Variants in CNTN4 observed in about 807,000 individuals in gnomAD.
The protein encoded by CNTN4 is contactin 4, also known as contactin-4.
CNTN4 carries 77 observed loss-of-function variants against 122.5 expected under a neutral mutation model. The observed-to-expected ratio is 0.63, with a 90% CI of 0.52 to 0.76. The LOEUF (loss-of-function observed/expected upper bound fraction) is 0.76, where lower values mean the gene tolerates loss of function less well. Among genes scored for constraint, CNTN4 ranks in the 30% least tolerant of loss-of-function variants. The probability of loss-of-function intolerance (pLI) is 0.00; values close to 1 mark genes in which losing one functional copy is unlikely to be tolerated. For missense variants in CNTN4, 1,256 were observed against 1,259.1 expected, an observed-to-expected ratio of 1.00 and a Z score of 0.04; for synonymous variants, 512 against 447.0, an observed-to-expected ratio of 1.15 and a Z score of -1.83.
At chr3:2,346,833 T>TA (rs2044414452) in intron 3 of CNTN4, among the ~76,000 whole-genome samples, 1 of 152,228 alleles carries the variant, frequency 6.6e-6, no homozygotes, top group South Asian at 2.1e-4. Flanking sequence ...GTTTTTCTCT[T>TA]ACGCTATTCT....
intron 2 of CNTN4, among the ~76,000 whole-genome samples, chr3:2,205,910 A>G (rs2038319532): frequency 6.6e-6 from 1 of 152,140 alleles, no homozygotes; most frequent in South Asian, 2.1e-4. Context: ...TCTGAAAGAT[A>G]AAAGTCTCAT....
chr3:2,726,482 C>G (rs1340629298), intron 4 of CNTN4, among the ~76,000 whole-genome samples: 1 of 152,154 alleles, frequency 6.6e-6, no homozygotes, highest in Non-Finnish European at 1.5e-5. Context: ...AATGCTCTTA[C>G]CTAATGAGGA....
chr3:2,594,181 A>T (rs1473944425), intron 4 of CNTN4, among the ~76,000 whole-genome samples: 1 of 152,108 alleles, frequency 6.6e-6, no homozygotes, highest in Non-Finnish European at 1.5e-5. Flanking sequence ...ATTTGATTGG[A>T]GAGCTACATT....
At chr3:2,920,433 C>T (rs911675783) in intron 12 of CNTN4, among the ~76,000 whole-genome samples, 1 of 151,410 alleles carries the variant, frequency 6.6e-6, no homozygotes, top group Admixed American at 6.6e-5. Flanking sequence ...ACACATTATA[C>T]CAAGTATCAG....
intron 4 of CNTN4, among the ~76,000 whole-genome samples, chr3:2,730,398 A>T (rs1046195625): frequency 3.3e-5 from 5 of 152,146 alleles, no homozygotes; most frequent in Non-Finnish European, 7.3e-5. Context: ...TGGATGAGGG[A>T]TGCTCACCTG....
chr3:2,534,662 C>A (rs1242922287), intron 3 of CNTN4, among the ~76,000 whole-genome samples: 1 of 151,708 alleles, frequency 6.6e-6, no homozygotes, highest in African/African-American at 2.4e-5. Flanking sequence ...GACTTCAGAG[C>A]CTTGGCCCTG....
intron 4 of CNTN4, among the ~76,000 whole-genome samples, chr3:2,620,436 G>T (rs2081949275): frequency 6.6e-6 from 1 of 152,260 alleles, no homozygotes; most frequent in African/African-American, 2.4e-5. Flanking sequence ...GCAGGTTGAG[G>T]CTGCAGTCAG....
chr3:2,262,626 C>T (rs7615857), intron 2 of CNTN4, among the ~76,000 whole-genome samples: 39 of 56,874 alleles, frequency 6.9e-4, no homozygotes, highest in African/African-American at 1.6e-3. Flanking sequence ...CTTGCTGTTC[C>T]GTGTTTTTTT....
intron 23 of CNTN4, among the ~76,000 whole-genome samples, chr3:3,050,261 C>G (rs1220099367): frequency 1.3e-5 from 2 of 151,974 alleles, no homozygotes; most frequent in Non-Finnish European, 2.9e-5. Flanking sequence ...TGTCTAATTT[C>G]TCGGTTTTTA....
chr3:2,826,950 C>T (rs899319486), intron 7 of CNTN4, among the ~76,000 whole-genome samples: 4 of 152,202 alleles, frequency 2.6e-5, no homozygotes, highest in African/African-American at 9.6e-5. Context: ...TAGCTGTTGT[C>T]CTCATTTCTT....
intron 2 of CNTN4, among the ~76,000 whole-genome samples, chr3:2,195,428 A>T (rs1445442770): frequency 1.3e-5 from 2 of 152,224 alleles, no homozygotes; most frequent in Non-Finnish European, 2.9e-5. Context: ...GTTCCTTTGG[A>T]TATATAACCA....
intron 3 of CNTN4, among the ~76,000 whole-genome samples, chr3:2,549,579 T>G (rs2078395709): frequency 6.6e-6 from 1 of 152,176 alleles, no homozygotes; most frequent in African/African-American, 2.4e-5. Context: ...AGCTTTTTGA[T>G]GTACTGCTGA....
chr3:3,000,210 A>C (rs558886942), intron 14 of CNTN4, among the ~76,000 whole-genome samples: 154 of 151,398 alleles, frequency 1.0e-3, no homozygotes, highest in Non-Finnish European at 1.9e-3. Flanking sequence ...CTAGAACATA[A>C]TAGTGTCCAA....
intron 7 of CNTN4, among the ~76,000 whole-genome samples, chr3:2,831,434 G>A (rs1407796438): frequency 6.6e-6 from 1 of 152,196 alleles, no homozygotes; most frequent in Non-Finnish European, 1.5e-5. Flanking sequence ...AACTCTGTCT[G>A]CATTATGAAC....
At chr3:2,152,961 C>T (rs1405326259) in intron 2 of CNTN4, among the ~76,000 whole-genome samples, 2 of 152,170 alleles carry the variant, frequency 1.3e-5, no homozygotes, top group Non-Finnish European at 2.9e-5. Context: ...GCTCATCCCA[C>T]ATTTGGAAGG....
At chr3:2,253,082 G>C (rs2040438027) in intron 2 of CNTN4, among the ~76,000 whole-genome samples, 1 of 152,032 alleles carries the variant, frequency 6.6e-6, no homozygotes, top group Non-Finnish European at 1.5e-5. Context: ...AGGAGCCAAA[G>C]AGCATTCCTG....
chr3:2,624,178 C>T (rs1028652652), intron 4 of CNTN4, among the ~76,000 whole-genome samples: 1 of 152,046 alleles, frequency 6.6e-6, no homozygotes, highest in African/African-American at 2.4e-5. Flanking sequence ...AAATTGTTGT[C>T]TTTGTAATTC....
intron 3 of CNTN4, among the ~76,000 whole-genome samples, chr3:2,513,238 T>A (rs2076941676): frequency 6.6e-6 from 1 of 152,218 alleles, no homozygotes; most frequent in South Asian, 2.1e-4. Context: ...GCTGGCCTCA[T>A]GCCTTCTTAC....
At chr3:2,669,010 T>G (rs1429651831) in intron 4 of CNTN4, among the ~76,000 whole-genome samples, 1 of 152,184 alleles carries the variant, frequency 6.6e-6, no homozygotes, top group Non-Finnish European at 1.5e-5. Flanking sequence ...TTATTGAGGA[T>G]TTTTGCATCG....
Sources: gnomAD v4.1 joint callset for allele counts (sites outside exome capture counted in the v4.1 genomes callset) on GRCh38, gnomAD v4.1.1 for gene constraint, MANE v1.5 for transcripts, NCBI Gene and HGNC (gene_info 2026-07-23, HGNC 2026-07-21) for gene names.